Variants in ALLC observed in about 807,000 individuals in gnomAD.
ALLC encodes allantoicase, also known as probable inactive allantoicase.
ALLC carries 40 observed loss-of-function variants against 45.0 expected under a neutral mutation model. That is an observed-to-expected ratio of 0.89 (90% CI 0.69 to 1.16). ALLC has a LOEUF of 1.16. Among genes scored for constraint, ALLC ranks in the 50% most tolerant of loss-of-function variants. The pLI, the probability that ALLC is intolerant of heterozygous loss-of-function variation, is 0.00. For synonymous variants in ALLC, 176 were observed against 178.1 expected (o/e 0.99, Z 0.09); for missense variants, 488 against 493.1 (o/e 0.99, Z 0.10).
chr2:3,694,347 G>C (rs984963047), intron 7 of ALLC, among the ~76,000 whole-genome samples: 1 of 152,160 alleles, frequency 6.6e-6, no homozygotes, highest in African/African-American at 2.4e-5. Flanking sequence ...ATTCCACCTG[G>C]GATCCAGGTG....
intron 9 of ALLC, 86 bp from the exon 10 acceptor site, chr2:3,697,262 C>A: frequency 1.0e-6 from 1 of 964,972 alleles, no homozygotes; most frequent in Non-Finnish European, 1.6e-6. Context: ...AGAAACACGT[C>A]AACCTTTTTC....
intron 8 of ALLC, among the ~76,000 whole-genome samples, 165 bp from the exon 9 acceptor site, chr2:3,696,110 C>CT (rs1185735501): frequency 1.3e-5 from 2 of 151,602 alleles, no homozygotes; most frequent in Non-Finnish European, 2.9e-5. Context: ...TAAAATTTAA[C>CT]TAACCCTATG....
chr2:3,667,977 C>T (rs1460859537), intron 1 of ALLC, among the ~76,000 whole-genome samples: 1 of 152,114 alleles, frequency 6.6e-6, no homozygotes, highest in Non-Finnish European at 1.5e-5. Context: ...ATTGGTTAGG[C>T]TGGTCTTGAA....
At chr2:3,649,104 A>G in the ALLC span, among the ~76,000 whole-genome samples, 40 of 152,176 alleles carry the variant, frequency 2.6e-4, no homozygotes, top group Non-Finnish European at 4.1e-4. Context: ...AGGTTCTTGG[A>G]AATGGCAGGC....
At chr2:3,675,623 TACAC>T (rs1004747961) in intron 3 of ALLC, among the ~76,000 whole-genome samples, 13 of 151,980 alleles carry the variant, frequency 8.6e-5, no homozygotes, top group African/African-American at 2.7e-4. Context: ...TATAAACACT[TACAC>T]ACTACATATG....
intron 1 of ALLC, among the ~76,000 whole-genome samples, chr2:3,666,432 G>T (rs761431522): frequency 5.3e-5 from 8 of 152,228 alleles, no homozygotes; most frequent in Non-Finnish European, 1.0e-4. Flanking sequence ...TGATGAAGGG[G>T]TGTGTGCAGG....
chr2:3,667,435 T>C (rs1263952535), intron 1 of ALLC, among the ~76,000 whole-genome samples: 1 of 152,184 alleles, frequency 6.6e-6, no homozygotes, highest in African/African-American at 2.4e-5. Context: ...CCCGTGACAC[T>C]CATCGAGCTC....
the ALLC span, among the ~76,000 whole-genome samples, chr2:3,646,057 G>C: frequency 1.3e-5 from 2 of 152,122 alleles, no homozygotes; most frequent in Non-Finnish European, 2.9e-5. Context: ...AGGTTTGCCC[G>C]CAGCCTTGGA....
chr2:3,690,866 A>G (rs1395803642), intron 7 of ALLC, among the ~76,000 whole-genome samples: 2 of 152,116 alleles, frequency 1.3e-5, no homozygotes, highest in African/African-American at 2.4e-5. Flanking sequence ...CACTATAATT[A>G]CAGTGTTGGA....
rs561297668 is a variant in ALLC at position 3,669,406 on chromosome 2, G to A, written c.-62-1690G>A. ...GGAGAATTGCTTGAACCCAGGAGGC[G>A]GCGGTTGCAGTGAGCTGAGATCATG... On this transcript the variant is annotated intron_variant, in intron 1 of 11. Coordinates refer to ENST00000252505, the MANE Select transcript of ALLC (RefSeq NM_018436.4). 7.2e-5 allele frequency among the ~76,000 whole-genome samples: 11 copies of A among 152,280 alleles called. No homozygotes were observed. In the East Asian group the frequency reaches 9.7e-4, roughly 13 times the overall value.
At chr2:3,672,490 A>AGGTCCTCTGGCTCTGGTTAGATGGGT in intron 2 of ALLC, among the ~76,000 whole-genome samples, 1 of 132,974 alleles carries the variant, frequency 7.5e-6, no homozygotes, top group Non-Finnish European at 1.6e-5. Flanking sequence ...GTTAGATCGG[A>AGGTCCTCTGGCTCTGGTTAGATGGGT]GGTCCTCTGG....
chr2:3,671,142 G>C lies in ALLC; in HGVS notation c.-16G>C, dbSNP rs763324177. On this transcript the variant is annotated 5_prime_UTR_variant, in exon 2 of 12. Coordinates refer to ENST00000252505, the MANE Select transcript of ALLC (RefSeq NM_018436.4). Reference sequence around the variant, plus strand: ...AGGAGGGAAGACTGACCCGGTTTCTGGACTTCACCCAGCTGATGGACATGG... The same window carrying C: ...AGGAGGGAAGACTGACCCGGTTTCTCGACTTCACCCAGCTGATGGACATGG... The C allele has an allele frequency of 6.2e-7, 1 of 1,610,190 alleles. No individual in the cohort carries two copies. The highest frequency in any genetic ancestry group is 8.5e-7 in the Non-Finnish European group (1 of 1,178,354).
intron 1 of ALLC, among the ~76,000 whole-genome samples, chr2:3,669,906 T>G (rs11687349): frequency 0.53 from 80,228 of 151,976 alleles, 22,984 homozygotes; most frequent in African/African-American, 0.77. Flanking sequence ...TTTTGAGTTG[T>G]CAGATGGAAA....
At chr2:3,687,554 G>A (rs1667361526) in intron 7 of ALLC, among the ~76,000 whole-genome samples, 1 of 150,902 alleles carries the variant, frequency 6.6e-6, no homozygotes, top group Non-Finnish European at 1.5e-5. Context: ...CAGCAGGGAA[G>A]CCATTAGGTC....
At chr2:3,661,466 T>C (rs1030586296) in intron 1 of ALLC, among the ~76,000 whole-genome samples, 6 of 152,134 alleles carry the variant, frequency 3.9e-5, no homozygotes, top group African/African-American at 1.4e-4. Flanking sequence ...CTTGATGTTC[T>C]AGGAGAAATG....
chr2:3,683,169 G>C, intron 7 of ALLC, 95 bp downstream of exon 7: 4 of 1,340,860 alleles, frequency 3.0e-6, no homozygotes, highest in Non-Finnish European at 4.1e-6. Flanking sequence ...TTTCCTTCTT[G>C]GTAATTGATC....
chr2:3,695,407 T>C, intron 7 of ALLC: 1 of 294,554 alleles, frequency 3.4e-6, no homozygotes, highest in South Asian at 5.8e-5. Flanking sequence ...ACCTGGGGAG[T>C]CAGGCAGTGG....
At chr2:3,648,569 G>A in the ALLC span, among the ~76,000 whole-genome samples, 2 of 152,180 alleles carry the variant, frequency 1.3e-5, no homozygotes, top group Non-Finnish European at 2.9e-5. Context: ...CACAGAGTGG[G>A]TGGAGACTCT....
At chr2:3,672,123 T>TGGAGGTCCTCTGGCTCTGGTTAGATG (rs1666894149) in intron 2 of ALLC, among the ~76,000 whole-genome samples, 8 of 78,354 alleles carry the variant, frequency 1.0e-4, no homozygotes, top group Middle Eastern at 8.8e-3. Flanking sequence ...CTAGTTAGAT[T>TGGAGGTCCTCTGGCTCTGGTTAGATG]GGAGGTCCTC....
Sources: allele counts gnomAD v4.1 joint callset (sites outside exome capture counted in the v4.1 genomes callset), GRCh38; gene constraint gnomAD v4.1.1; transcripts MANE v1.5; gene names NCBI Gene and HGNC (gene_info 2026-07-23, HGNC 2026-07-21).